OCA2: variants seen among roughly 807,000 people sequenced by gnomAD.
OCA2 encodes OCA2 melanosomal transmembrane protein.
Under a neutral mutation model 100.2 loss-of-function variants are expected in OCA2, and 77 were observed. The observed-to-expected ratio is 0.77, with a 90% CI of 0.64 to 0.93. OCA2 has a LOEUF of 0.93. Among genes scored for constraint, OCA2 ranks in the 40% least tolerant of loss-of-function variants. The pLI, the probability that OCA2 is intolerant of heterozygous loss-of-function variation, is 0.00. For synonymous variants in OCA2, 432 were observed against 439.2 expected (o/e 0.98, Z 0.21); for missense variants, 1,062 against 1,089.1 (o/e 0.98, Z 0.35).
At chr15:28,097,698 A>C (rs183990259) in intron 1 of OCA2, among the ~76,000 whole-genome samples, 3 of 152,170 alleles carry the variant, frequency 2.0e-5, no homozygotes, top group Non-Finnish European at 2.9e-5. Context: ...AAAGGTACCC[A>C]AAACTCCCAG....
chr15:27,896,347 AC>A, intron 19 of OCA2: 1 of 786,668 alleles, frequency 1.3e-6, no homozygotes, highest in Non-Finnish European at 2.3e-6. Context: ...GAAGATGCTT[AC>A]CAGAAACAGT....
intron 21 of OCA2, among the ~76,000 whole-genome samples, chr15:27,864,995 T>C (rs560010561): frequency 1.6e-4 from 24 of 150,650 alleles, no homozygotes; most frequent in African/African-American, 5.9e-4. Context: ...TATGGAAATA[T>C]TGGTTAAACG....
At chr15:27,729,143 A>G in the OCA2 span, among the ~76,000 whole-genome samples, 2 of 152,150 alleles carry the variant, frequency 1.3e-5, no homozygotes, top group Non-Finnish European at 2.9e-5. Context: ...TTTCTTCTGC[A>G]TCCTCACCAG....
intron 9 of OCA2, among the ~76,000 whole-genome samples, chr15:28,005,435 A>G (rs1410839192): frequency 1.3e-5 from 2 of 152,140 alleles, no homozygotes; most frequent in African/African-American, 4.8e-5. Context: ...CCTGCAGGTA[A>G]GACATCCAGC....
chr15:27,920,925 C>G (rs544389035), intron 19 of OCA2, among the ~76,000 whole-genome samples: 4 of 151,884 alleles, frequency 2.6e-5, no homozygotes, highest in Middle Eastern at 3.4e-3. Context: ...AATAAAGTGT[C>G]AAAACCTATG....
At chr15:27,850,168 C>A (rs932127713) in intron 22 of OCA2, among the ~76,000 whole-genome samples, 1 of 152,194 alleles carries the variant, frequency 6.6e-6, no homozygotes, top group Middle Eastern at 3.2e-3. Flanking sequence ...AGGCCTGTCA[C>A]TCTGTATGAC....
chr15:27,892,239 T>C (rs57293073), intron 19 of OCA2, among the ~76,000 whole-genome samples: 5,209 of 152,116 alleles, frequency 0.034, 293 homozygotes, highest in African/African-American at 0.12. Flanking sequence ...ATAAAACACT[T>C]CACTCCAAAA....
rs367867383 is a variant in OCA2, at chr15:27,896,059, T to A, written c.2080-24137A>T. 5.9e-6 allele frequency: 7 copies of A among 1,190,540 alleles called. No homozygotes were observed. In the East Asian group the frequency reaches 1.4e-4, roughly 24 times the overall value. The allele number at this position is 1,190,540 out of a possible 1,614,324, so 73.7% of individuals were successfully genotyped here. A position where few individuals can be genotyped will look rare whatever the true frequency, so the allele number is the denominator to read the frequency against. On this transcript the variant is annotated intron_variant, in intron 19 of 23. Transcript: ENST00000354638. ...ATGGAAAAGATCTATGAAGGCCAAG[T>A]GGAGGTGACTGGCAAGGAATACAAT...
chr15:27,984,552 TTTTGTTTG>T (rs200230269), intron 13 of OCA2, among the ~76,000 whole-genome samples: 2 of 151,460 alleles, frequency 1.3e-5, no homozygotes, highest in Non-Finnish European at 2.9e-5. Context: ...GTGAGCCATT[TTTTGTTTG>T]TTTGTTTGTT....
intron 23 of OCA2, among the ~76,000 whole-genome samples, chr15:27,772,083 G>C (rs1167611085): frequency 1.3e-5 from 2 of 152,222 alleles, no homozygotes; most frequent in Non-Finnish European, 2.9e-5. Context: ...TGAGCAAGCC[G>C]CCTGCGGGCC....
chr15:27,873,259 A>G (rs1289204149), intron 19 of OCA2, among the ~76,000 whole-genome samples: 1 of 152,196 alleles, frequency 6.6e-6, no homozygotes, highest in East Asian at 1.9e-4. Context: ...GCCTGGTGCC[A>G]CTAGATGCCA....
chr15:28,059,841 T>C (rs1448481), intron 2 of OCA2, among the ~76,000 whole-genome samples: 26,222 of 152,216 alleles, frequency 0.17, 4,036 homozygotes, highest in African/African-American at 0.42. Context: ...CTAGTCCCCT[T>C]GATGAATGGG....
At chr15:27,954,793 T>C (rs912262596) in intron 17 of OCA2, among the ~76,000 whole-genome samples, 2 of 152,000 alleles carry the variant, frequency 1.3e-5, no homozygotes, top group African/African-American at 4.8e-5. Flanking sequence ...CTAAAGCTGC[T>C]CCACTTCATG....
At chr15:27,907,722 T>C (rs560474809) in intron 19 of OCA2, among the ~76,000 whole-genome samples, 1 of 152,312 alleles carries the variant, frequency 6.6e-6, no homozygotes, top group Non-Finnish European at 1.5e-5. Flanking sequence ...ATGACTAATT[T>C]GGAAACTTCT....
intron 23 of OCA2, among the ~76,000 whole-genome samples, chr15:27,767,664 A>G (rs141710687): frequency 0.012 from 1,839 of 152,290 alleles, 19 homozygotes; most frequent in Non-Finnish European, 0.021. Flanking sequence ...AAGGGATTGT[A>G]AACACACCAA....
At chr15:27,976,191 T>C (rs1396211484) in intron 14 of OCA2, among the ~76,000 whole-genome samples, 1 of 152,204 alleles carries the variant, frequency 6.6e-6, no homozygotes, top group Non-Finnish European at 1.5e-5. Flanking sequence ...ACGTGGACGA[T>C]TGTGTCATCC....
intron 20 of OCA2, 63 bp downstream of exon 20, chr15:27,871,799 TA>T: frequency 8.4e-7 from 1 of 1,191,832 alleles, no homozygotes; most frequent in South Asian, 1.3e-5. Context: ...TTTTTTTTTT[TA>T]ATTTTTTTCA....
At chr15:28,019,648 C>T (rs2042527095) in intron 6 of OCA2, among the ~76,000 whole-genome samples, 1 of 152,196 alleles carries the variant, frequency 6.6e-6, no homozygotes, top group Non-Finnish European at 1.5e-5. Flanking sequence ...GTCCTTCACC[C>T]AGCCTCCTCC....
chr15:27,786,188 CATAGT>C (rs1171040082), intron 23 of OCA2, among the ~76,000 whole-genome samples: 4 of 152,174 alleles, frequency 2.6e-5, no homozygotes, highest in African/African-American at 9.7e-5. Context: ...ACAGTAGCTT[CATAGT>C]ATGTTTTTAA....
Sources: gnomAD v4.1 joint callset for allele counts (sites outside exome capture counted in the v4.1 genomes callset) on GRCh38, gnomAD v4.1.1 for gene constraint, MANE v1.5 for transcripts, NCBI Gene and HGNC (gene_info 2026-07-23, HGNC 2026-07-21) for gene names.